The following KCNU1 variants were observed in gnomAD, a reference collection of about 807,000 sequenced individuals.
KCNU1 encodes the protein potassium calcium-activated channel subfamily U member 1.
In KCNU1, 93 loss-of-function variants were observed where a neutral mutation model predicts 126.8. The observed-to-expected ratio is 0.73, with a 90% CI of 0.62 to 0.87. The LOEUF is 0.87. Among genes scored for constraint, KCNU1 ranks in the 40% least tolerant of loss-of-function variants. KCNU1 has a pLI of 0.00. For synonymous variants in KCNU1, 523 were observed against 494.2 expected, an observed-to-expected ratio of 1.06 and a Z score of -0.77; for missense variants, 1,330 against 1,367.1, an observed-to-expected ratio of 0.97 and a Z score of 0.43.
At position 36,840,953 on chromosome 8, in the gene KCNU1, C is replaced by A. The variant is rs780408138; in HGVS notation, c.1653C>A (p.His551Gln). 2.5e-5 allele frequency: 40 copies of A among 1,613,042 alleles called. 1 individual carries two copies. The South Asian group carries it at 4.3e-4, about 17-fold the overall frequency. ...EVARLCFLKM[H>Q]LLLIAIEYKS... Reference sequence around the variant, plus strand: ...CCAGGCTCTGCTTTCTGAAGATGCACCTCCTGTTGATAGCCATCGAATACA... The same window carrying A: ...CCAGGCTCTGCTTTCTGAAGATGCAACTCCTGTTGATAGCCATCGAATACA... The change falls in exon 16 of 27, where the codon CAC (histidine) becomes CAA (glutamine). Residue 551 changes from histidine to glutamine, a missense_variant. His to Gln is a conservative substitution (Grantham distance 24, BLOSUM62 0). Around this residue, in one of 3 missense-constraint regions of KCNU1, gnomAD observed 1,054 missense variants for 1,053.9 expected, o/e 1.00. Coordinates refer to ENST00000399881, the MANE Select transcript of KCNU1 (RefSeq NM_001031836.3).
At chr8:36,848,760 C>T (rs1009271966) in intron 18 of KCNU1, among the ~76,000 whole-genome samples, 1 of 152,104 alleles carries the variant, frequency 6.6e-6, no homozygotes, top group Non-Finnish European at 1.5e-5. Flanking sequence ...CAAGAGCACA[C>T]CACTGAGAAT....
chr8:36,841,581 G>A (rs1018791868), intron 16 of KCNU1, among the ~76,000 whole-genome samples: 3 of 152,028 alleles, frequency 2.0e-5, no homozygotes, highest in Non-Finnish European at 2.9e-5. Flanking sequence ...CTGCAATCCC[G>A]GCTACTTGGG....
At chr8:36,884,014 A>C (rs1489213910) in intron 19 of KCNU1, among the ~76,000 whole-genome samples, 1 of 152,164 alleles carries the variant, frequency 6.6e-6, no homozygotes, top group Non-Finnish European at 1.5e-5. Context: ...AAGACTTGCA[A>C]CTTTGACCCA....
rs1563285662 is a variant in KCNU1, at chr8:36,836,340, T to C, written c.1340T>C (p.Ile447Thr). The change falls in exon 13 of 27, where the codon ATA becomes ACA. Residue 447 changes from isoleucine (I) to threonine (T), a missense_variant. This residue lies in a region of KCNU1 where 1,054 missense variants were observed against 1,053.9 expected (regional missense o/e 1.00). Coordinates refer to ENST00000399881, the MANE Select transcript of KCNU1 (RefSeq NM_001031836.3). ...KNYDSTTRII[I>T]QILQSHNKVY... is the part of the protein sequence containing the mutation. The stretch of plus-strand genomic sequence containing the variant: ...TATGATTCTACCACCAGAATCATCA[T>C]ACAGATACTGCAATCCCATAACAAG... 1.2e-6 allele frequency: 2 copies of C among 1,605,298 alleles called. No homozygotes were observed. The highest frequency in any genetic ancestry group is 1.7e-5 in the Admixed American group (1 of 59,978).
In KCNU1 at chr8:36,910,988, G is replaced by A. The variant is rs1807848927; in HGVS notation, c.2390G>A (p.Cys797Tyr). The A allele has an allele frequency of 1.2e-6, 2 of 1,613,328 alleles. No homozygotes were observed. The highest frequency in any genetic ancestry group is 2.2e-5 in the East Asian group (1 of 44,850). ...GCCAACATAGAGCAATGCTCCATGT[G>A]TGCTGTCTTGTCCCCCCCACCCCAG... ...HAANIEQCSM[C>Y]AVLSPPPQPS... Residue 797 changes from cysteine to tyrosine, a missense_variant, in exon 22 of 27, where the codon TGT (cysteine) becomes TAT (tyrosine). This residue lies in a region of KCNU1 where 1,054 missense variants were observed against 1,053.9 expected (regional missense o/e 1.00). Coordinates refer to ENST00000399881, the MANE Select transcript of KCNU1 (RefSeq NM_001031836.3).
At chr8:36,787,857 T>C (rs1418840397) in intron 2 of KCNU1, among the ~76,000 whole-genome samples, 1 of 80,512 alleles carries the variant, frequency 1.2e-5, no homozygotes, top group African/African-American at 8.3e-5. Flanking sequence ...ATATATTGAC[T>C]AATTATATAT....
chr8:36,917,872 G>A (rs958126724), intron 22 of KCNU1, among the ~76,000 whole-genome samples: 1 of 152,074 alleles, frequency 6.6e-6, no homozygotes, highest in Middle Eastern at 3.2e-3. Flanking sequence ...AGAGGTCAAG[G>A]GCTCTCTGAG....
intron 11 of KCNU1, 142 bp from the exon 12 acceptor site, chr8:36,834,644 T>A (rs909371702): frequency 1.7e-6 from 1 of 591,016 alleles, no homozygotes; most frequent in East Asian, 2.9e-5. Flanking sequence ...TGTAAAGACA[T>A]CCTCATTACA....
intron 19 of KCNU1, among the ~76,000 whole-genome samples, chr8:36,890,159 G>T (rs1244407790): frequency 6.6e-6 from 1 of 151,704 alleles, no homozygotes; most frequent in Non-Finnish European, 1.5e-5. Flanking sequence ...GTCAAAAGAT[G>T]GTAAGAAAGC....
chr8:36,929,327 T>A (rs1419712727), intron 24 of KCNU1, among the ~76,000 whole-genome samples: 1 of 144,002 alleles, frequency 6.9e-6, no homozygotes, highest in Admixed American at 7.3e-5. Context: ...GAGGTTGCAG[T>A]GAGCCGAGAT....
intron 16 of KCNU1, among the ~76,000 whole-genome samples, chr8:36,844,615 G>A (rs1221694543): frequency 1.3e-5 from 2 of 152,182 alleles, no homozygotes; most frequent in Non-Finnish European, 2.9e-5. Flanking sequence ...CTTGGCATAA[G>A]GCTGAAGAAC....
chr8:36,797,455 T>C (rs1295325424), intron 2 of KCNU1, among the ~76,000 whole-genome samples: 1 of 152,208 alleles, frequency 6.6e-6, no homozygotes, highest in Non-Finnish European at 1.5e-5. Flanking sequence ...TTGTTATGTC[T>C]ATATGCTCCT....
intron 23 of KCNU1, among the ~76,000 whole-genome samples, chr8:36,919,486 A>T (rs1808260787): frequency 1.3e-5 from 2 of 151,414 alleles, no homozygotes; most frequent in East Asian, 3.9e-4. Flanking sequence ...ATCTGTCACC[A>T]ACACCTGTAC....
chr8:36,843,743 T>G (rs1563290214), intron 16 of KCNU1, among the ~76,000 whole-genome samples: 1 of 152,214 alleles, frequency 6.6e-6, no homozygotes, highest in Non-Finnish European at 1.5e-5. Context: ...ACTTTTTAGC[T>G]CCTCTTCAAA....
intron 22 of KCNU1, among the ~76,000 whole-genome samples, chr8:36,912,840 C>T (rs10095002): frequency 0.58 from 87,827 of 151,220 alleles, 25,566 homozygotes; most frequent in Middle Eastern, 0.64. Flanking sequence ...TGGTGGCGCA[C>T]GCCTGTAATC....
intron 5 of KCNU1, among the ~76,000 whole-genome samples, chr8:36,806,887 C>T (rs1432556280): frequency 3.3e-5 from 5 of 152,006 alleles, no homozygotes; most frequent in Non-Finnish European, 7.4e-5. Flanking sequence ...ATATGAATTC[C>T]ATTCCTTGCT....
chr8:36,813,365 T>C (rs1187048674), intron 7 of KCNU1, among the ~76,000 whole-genome samples: 2 of 152,074 alleles, frequency 1.3e-5, no homozygotes, highest in Non-Finnish European at 2.9e-5. Flanking sequence ...TCTAAGATTT[T>C]ATCATCTTTT....
chr8:36,836,353 A>C lies in KCNU1; in HGVS notation c.1353A>C (p.Gln451His), dbSNP rs1422080839. 1 of 1,594,410 alleles carries C rather than the reference A, an allele frequency of 6.3e-7. No homozygotes were observed. The highest frequency in any genetic ancestry group is 2.2e-5 in the East Asian group (1 of 44,658). The change falls in exon 13 of 27, where the codon CAA becomes CAC. Residue 451 changes from glutamine to histidine, a missense_variant. Coordinates refer to ENST00000399881, the MANE Select transcript of KCNU1 (RefSeq NM_001031836.3). ...CCAGAATCATCATACAGATACTGCA[A>C]TCCCATAACAAGGTATAGTAACATT... is the stretch of plus-strand genomic sequence containing the variant. ...STTRIIIQIL[Q>H]SHNKVYLPKI...
At chr8:36,821,446 A>T (rs910444412) in intron 10 of KCNU1, among the ~76,000 whole-genome samples, 1 of 152,004 alleles carries the variant, frequency 6.6e-6, no homozygotes, top group South Asian at 2.1e-4. Flanking sequence ...TGGGGTATTC[A>T]CTTCTCCATT....
Sources: allele counts gnomAD v4.1 joint callset (sites outside exome capture counted in the v4.1 genomes callset), GRCh38; gene constraint gnomAD v4.1.1; regional missense constraint gnomAD v4.1.1; transcripts MANE v1.5; gene names NCBI Gene and HGNC (gene_info 2026-07-23, HGNC 2026-07-21).